FRY: variants seen among roughly 807,000 people sequenced by gnomAD.
FRY encodes the protein protein furry homolog.
A neutral mutation model predicts 348.4 loss-of-function variants in FRY; 128 were observed. The ratio of observed to expected loss-of-function variants is 0.37; its 90% CI spans 0.32 to 0.43. The LOEUF (loss-of-function observed/expected upper bound fraction) is 0.43. Among genes scored for constraint, FRY ranks in the 20% least tolerant of loss-of-function variants. FRY has a pLI of 1.00. For synonymous variants in FRY, 1,370 were observed against 1,374.7 expected, an observed-to-expected ratio of 1.00 and a Z score of 0.08; for missense variants, 2,736 against 3,695.2, an observed-to-expected ratio of 0.74 and a Z score of 6.73.
At chr13:32,145,203 G>A (rs1880326351) in intron 11 of FRY, among the ~76,000 whole-genome samples, 1 of 152,174 alleles carries the variant, frequency 6.6e-6, no homozygotes, top group African/African-American at 2.4e-5. Context: ...AGAAATGTTA[G>A]CTTGATCCCA....
intron 58 of FRY, among the ~76,000 whole-genome samples, chr13:32,279,950 A>C (rs1888730447): frequency 6.6e-6 from 1 of 152,238 alleles, no homozygotes; most frequent in Non-Finnish European, 1.5e-5. Flanking sequence ...CAAACTATAA[A>C]GCTGAGAAAT....
chr13:32,176,773 A>G (rs703220), intron 20 of FRY, among the ~76,000 whole-genome samples: 62,056 of 152,110 alleles, frequency 0.41, 12,880 homozygotes, highest in Admixed American at 0.43. Flanking sequence ...TTAGGAAGAT[A>G]TACAGAAACG....
intron 23 of FRY, among the ~76,000 whole-genome samples, chr13:32,180,921 C>T (rs182828650): frequency 4.6e-5 from 7 of 152,166 alleles, no homozygotes; most frequent in African/African-American, 1.7e-4. Context: ...GATGGAGTCT[C>T]GCTCTGTCAC....
intron 10 of FRY, among the ~76,000 whole-genome samples, chr13:32,136,645 C>T (rs1165970695): frequency 2.6e-5 from 4 of 152,212 alleles, no homozygotes; most frequent in South Asian, 2.1e-4. Flanking sequence ...TTTTATTACA[C>T]GCTATCCATA....
At chr13:32,122,436 C>T (rs1047447746) in intron 4 of FRY, among the ~76,000 whole-genome samples, 15 of 149,214 alleles carry the variant, frequency 1.0e-4, no homozygotes, top group African/African-American at 3.2e-4. Context: ...AGTGAGACTC[C>T]GCCTCAGAAA....
At chr13:32,044,543 T>C (rs1872916580) in intron 1 of FRY, among the ~76,000 whole-genome samples, 1 of 152,218 alleles carries the variant, frequency 6.6e-6, no homozygotes, top group Non-Finnish European at 1.5e-5. Flanking sequence ...AATCAGTAAG[T>C]GATGGTGCCC....
chr13:32,069,115 C>T (rs1373716564), intron 1 of FRY, among the ~76,000 whole-genome samples: 2 of 152,026 alleles, frequency 1.3e-5, no homozygotes, highest in African/African-American at 4.8e-5. Flanking sequence ...CGGGGTTTCA[C>T]TGTGTTAGCC....
chr13:32,159,503 TAATA>T (rs1354985672), intron 16 of FRY, among the ~76,000 whole-genome samples: 2 of 152,224 alleles, frequency 1.3e-5, no homozygotes, highest in East Asian at 1.9e-4. Context: ...AAGTAAAGAA[TAATA>T]AATAATAATT....
chr13:32,110,431 G>A (rs918822007), intron 3 of FRY, among the ~76,000 whole-genome samples: 5 of 152,058 alleles, frequency 3.3e-5, no homozygotes, highest in East Asian at 1.9e-4. Context: ...TCATCCAACC[G>A]TGATGAGCGT....
At chr13:32,178,515 GGGATGTTATCATCCCAATTTCT>G in intron 21 of FRY, 79 bp downstream of exon 21, 1 of 1,455,170 alleles carries the variant, frequency 6.9e-7, no homozygotes, top group Non-Finnish European at 9.5e-7. Flanking sequence ...GTAAGAGATT[GGGATGTTATCATCCCAATTTCT>G]GAACTTCCTA....
At chr13:32,035,237 C>G (rs1047626503) in intron 1 of FRY, among the ~76,000 whole-genome samples, 1 of 152,232 alleles carries the variant, frequency 6.6e-6, no homozygotes, top group Non-Finnish European at 1.5e-5. Flanking sequence ...ACACTTGCTA[C>G]ACTCTAGAGA....
At chr13:32,054,882 C>T (rs1182274405) in intron 1 of FRY, among the ~76,000 whole-genome samples, 2 of 152,024 alleles carry the variant, frequency 1.3e-5, no homozygotes, top group Admixed American at 1.3e-4. Flanking sequence ...CTCAAAAATA[C>T]ATAAATAAAT....
intron 47 of FRY, among the ~76,000 whole-genome samples, chr13:32,245,122 G>A (rs968996504): frequency 6.6e-6 from 1 of 151,800 alleles, no homozygotes; most frequent in Non-Finnish European, 1.5e-5. Flanking sequence ...GCTAATTTTT[G>A]TATTTTTAGT....
chr13:32,136,227 T>A (rs1746079585), intron 10 of FRY, among the ~76,000 whole-genome samples: 1 of 152,182 alleles, frequency 6.6e-6, no homozygotes, highest in African/African-American at 2.4e-5. Flanking sequence ...CGGTGGCTGT[T>A]CATTACCTTT....
intron 29 of FRY, among the ~76,000 whole-genome samples, chr13:32,194,805 A>T (rs1233496236): frequency 6.6e-6 from 1 of 152,222 alleles, no homozygotes; most frequent in Non-Finnish European, 1.5e-5. Flanking sequence ...TAAATTAGTT[A>T]TTCAGTGTAG....
At chr13:32,211,899 G>C (rs969527018) in intron 34 of FRY, among the ~76,000 whole-genome samples, 5 of 152,120 alleles carry the variant, frequency 3.3e-5, no homozygotes, top group African/African-American at 1.2e-4. Flanking sequence ...CAGTAGCACA[G>C]CAATCAGAAG....
intron 1 of FRY, among the ~76,000 whole-genome samples, chr13:32,073,225 G>A (rs17077034): frequency 0.013 from 2,029 of 152,224 alleles, 52 homozygotes; most frequent in African/African-American, 0.046. Flanking sequence ...GTGATCATTG[G>A]GCATTTTAGT....
rs769287549 is a variant in FRY, at chr13:32,295,785, C to A, written c.*325C>A. The A allele has an allele frequency of 5.7e-5, 19 of 334,804 alleles. No homozygotes were observed. The highest frequency in any genetic ancestry group is 2.7e-5 in the Non-Finnish European group (5 of 181,986). The allele number at this position is 334,804 out of a possible 1,614,324, so 20.7% of individuals were successfully genotyped here. ...AGCCGACTACACTGAACAGTACCTTCCTTTCTAGAAACAATTTTAGATTGG... is the reference window on the plus strand; with the variant it reads ...AGCCGACTACACTGAACAGTACCTTACTTTCTAGAAACAATTTTAGATTGG... On this transcript the variant is annotated 3_prime_UTR_variant, in exon 61 of 61. Coordinates refer to ENST00000542859, the MANE Select transcript of FRY (RefSeq NM_023037.3).
intron 28 of FRY, among the ~76,000 whole-genome samples, chr13:32,190,131 A>G (rs1434599110): frequency 1.3e-5 from 2 of 151,952 alleles, no homozygotes; most frequent in African/African-American, 4.8e-5. Flanking sequence ...AAAACTACAA[A>G]TAGAAAAGAA....
Sources: allele counts gnomAD v4.1 joint callset (sites outside exome capture counted in the v4.1 genomes callset), GRCh38; gene constraint gnomAD v4.1.1; transcripts MANE v1.5; gene names NCBI Gene and HGNC (gene_info 2026-07-23, HGNC 2026-07-21).